ADAMTSL1: variants seen among roughly 807,000 people sequenced by gnomAD.
ADAMTSL1 encodes the protein ADAMTS-like protein 1.
A neutral mutation model predicts 201.8 loss-of-function variants in ADAMTSL1; 126 were observed. The ratio of observed to expected loss-of-function variants is 0.62; its 90% confidence interval spans 0.54 to 0.72. The LOEUF is 0.72. Ranked by LOEUF, ADAMTSL1 falls within the 30% of genes least tolerant of loss-of-function variation. The pLI, the probability that ADAMTSL1 is intolerant of heterozygous loss-of-function variation, is 0.00. For missense variants in ADAMTSL1, 2,679 were observed against 2,277.8 expected (o/e 1.18, Z -3.59); for synonymous variants, 1,121 against 903.4 (o/e 1.24, Z -4.32).
At chr9:18,468,730 A>G (rs1347688214) in intron 2 of ADAMTSL1, among the ~76,000 whole-genome samples, 3 of 152,194 alleles carry the variant, frequency 2.0e-5, no homozygotes, top group East Asian at 1.9e-4. Flanking sequence ...AGTTCTTCCC[A>G]TGGTACCAAA....
intron 1 of ADAMTSL1, among the ~76,000 whole-genome samples, chr9:18,504,091 C>T (rs1822993284): frequency 6.6e-6 from 1 of 151,822 alleles, no homozygotes. Flanking sequence ...TTCAAGGACT[C>T]GTAATAAAAA....
chr9:18,032,337 T>C (rs1356697935), intron 1 of ADAMTSL1, among the ~76,000 whole-genome samples: 1 of 152,190 alleles, frequency 6.6e-6, no homozygotes, highest in Non-Finnish European at 1.5e-5. Flanking sequence ...TCCTAGAAAG[T>C]TGGGACTTAG....
At chr9:18,701,534 T>A (rs1831922784) in intron 13 of ADAMTSL1, among the ~76,000 whole-genome samples, 1 of 152,184 alleles carries the variant, frequency 6.6e-6, no homozygotes, top group African/African-American at 2.4e-5. Context: ...ACTCTAATTT[T>A]TCTCACATAT....
At chr9:18,292,642 C>G (rs145900898) in intron 2 of ADAMTSL1, among the ~76,000 whole-genome samples, 99 of 152,264 alleles carry the variant, frequency 6.5e-4, no homozygotes, top group Non-Finnish European at 1.2e-3. Context: ...AGTCTTCCAG[C>G]CTTCATCTTT....
intron 16 of ADAMTSL1, among the ~76,000 whole-genome samples, chr9:18,769,401 A>G (rs189607498): frequency 3.3e-5 from 5 of 152,364 alleles, no homozygotes; most frequent in African/African-American, 1.2e-4. Context: ...CTAAAATTTT[A>G]CAATAAAATA....
At chr9:18,692,856 C>A (rs1194306331) in intron 13 of ADAMTSL1, among the ~76,000 whole-genome samples, 1 of 152,122 alleles carries the variant, frequency 6.6e-6, no homozygotes, top group Admixed American at 6.5e-5. Flanking sequence ...GGGATGTGGC[C>A]TTTTAAGTAG....
At position 18,556,814 on chromosome 9, in the gene ADAMTSL1, A is replaced by C. The variant is rs528445603; in HGVS notation, c.238-17216A>C. On this transcript the variant is annotated intron_variant, in intron 3 of 28. Transcript: ENST00000380548. ...GCCATTCATATGTCACTTTAATTAA[A>C]ATTATATTTAAAGAAATTATATTTA... 1.5e-3 allele frequency among the ~76,000 whole-genome samples: 222 copies of C among 152,132 alleles called. 1 individual carries two copies. The highest frequency in any genetic ancestry group is 2.7e-3 in the Non-Finnish European group (186 of 67,952).
In ADAMTSL1 at chr9:18,193,244, G is replaced by A. The variant is rs138012718; in HGVS notation, c.207+29263G>A. On this transcript the variant is annotated intron_variant, in intron 2 of 29. Transcript: ENST00000680146. ...GTCAAGTCACTATAAGATTCAAATC[G>A]TTTTGAAAAGATGACCCTGGGAGTG... Among the ~76,000 whole-genome samples the A allele has an allele frequency of 2.0e-5, 3 of 152,096 alleles. No individual in the cohort carries two copies. In the South Asian group the frequency reaches 6.2e-4, roughly 31 times the overall value.
intron 3 of ADAMTSL1, among the ~76,000 whole-genome samples, chr9:18,547,602 C>G (rs2132197784): frequency 7.3e-6 from 1 of 137,768 alleles, no homozygotes; most frequent in East Asian, 2.2e-4. Flanking sequence ...CGAGGAGGCT[C>G]TCTGTTGTGA....
chr9:18,337,186 C>A (rs939800767), intron 2 of ADAMTSL1, among the ~76,000 whole-genome samples: 2 of 152,058 alleles, frequency 1.3e-5, no homozygotes, highest in Non-Finnish European at 2.9e-5. Context: ...GGCTGAAGAA[C>A]GTGGAAGGAC....
intron 2 of ADAMTSL1, among the ~76,000 whole-genome samples, chr9:18,345,583 G>A (rs1468218293): frequency 2.0e-5 from 3 of 152,146 alleles, no homozygotes; most frequent in African/African-American, 4.8e-5. Flanking sequence ...TAAAGAGTAT[G>A]ATGTCTTTTG....
chr9:18,291,378 T>C (rs1833255780), intron 2 of ADAMTSL1, among the ~76,000 whole-genome samples: 1 of 152,182 alleles, frequency 6.6e-6, no homozygotes, highest in Non-Finnish European at 1.5e-5. Context: ...CTAGAGACTC[T>C]GATGCTCTCA....
intron 2 of ADAMTSL1, among the ~76,000 whole-genome samples, chr9:18,342,550 T>G (rs1022097582): frequency 6.6e-6 from 1 of 152,164 alleles, no homozygotes; most frequent in African/African-American, 2.4e-5. Flanking sequence ...CACTTTTTAC[T>G]TATTAAACGT....
rs186254040 is a variant in ADAMTSL1, at chr9:18,217,064, A to G, written c.207+53083A>G. On this transcript the variant is annotated intron_variant, in intron 2 of 29. Transcript: ENST00000680146. Reference sequence around the variant, plus strand: ...AAAGGACATGAGCTTTAAATAAGTGACCAGGAAGCCCCTCTAGGGAAGGGG... The same window carrying G: ...AAAGGACATGAGCTTTAAATAAGTGGCCAGGAAGCCCCTCTAGGGAAGGGG... Among the ~76,000 whole-genome samples, 2 of 152,194 alleles carry G rather than the reference A, an allele frequency of 1.3e-5. 1 individual carries two copies. Among genetic ancestry groups the G allele is most frequent in the Admixed American group, 1.3e-4 (2 of 15,284 alleles).
chr9:18,244,592 C>T (rs969188723), intron 2 of ADAMTSL1, among the ~76,000 whole-genome samples: 3 of 152,116 alleles, frequency 2.0e-5, no homozygotes, highest in Admixed American at 2.0e-4. Context: ...TCCCCTTCAC[C>T]CTTCAAGCAT....
chr9:18,040,020 G>A (rs1472945139), intron 1 of ADAMTSL1, among the ~76,000 whole-genome samples: 1 of 152,142 alleles, frequency 6.6e-6, no homozygotes, highest in East Asian at 1.9e-4. Context: ...CTCCAGGATG[G>A]TCCTGACTTA....
chr9:18,212,385 G>T (rs941502325), intron 2 of ADAMTSL1, among the ~76,000 whole-genome samples: 2 of 152,076 alleles, frequency 1.3e-5, no homozygotes, highest in East Asian at 1.9e-4. Context: ...CACTGAAAAG[G>T]CTTAGGATAG....
intron 2 of ADAMTSL1, among the ~76,000 whole-genome samples, chr9:18,209,836 C>T (rs922278233): frequency 2.0e-5 from 3 of 152,058 alleles, no homozygotes; most frequent in African/African-American, 7.2e-5. Context: ...TTGAGTAGTA[C>T]CTATACCAGC....
intron 1 of ADAMTSL1, among the ~76,000 whole-genome samples, chr9:18,107,875 C>T (rs1475586890): frequency 3.3e-5 from 5 of 152,106 alleles, no homozygotes; most frequent in African/African-American, 1.2e-4. Flanking sequence ...TCAGTCACGA[C>T]CAGCATTGTT....
Sources: allele counts gnomAD v4.1 joint callset (sites outside exome capture counted in the v4.1 genomes callset), GRCh38; gene constraint gnomAD v4.1.1; transcripts MANE v1.5; gene names NCBI Gene and HGNC (gene_info 2026-07-23, HGNC 2026-07-21).